The following DBH variants were observed in gnomAD, a reference collection of about 807,000 sequenced individuals.
DBH encodes dopamine beta-hydroxylase (dopamine beta-monooxygenase).
Under a neutral mutation model 64.0 loss-of-function variants are expected in DBH, and 49 were observed. That is an observed-to-expected ratio of 0.77 (90% confidence interval 0.61 to 0.97). The LOEUF (loss-of-function observed/expected upper bound fraction) is 0.97. Among genes scored for constraint, DBH ranks in the 50% least tolerant of loss-of-function variants. The pLI, the probability that DBH is intolerant of heterozygous loss-of-function variation, is 0.00. For missense variants in DBH, 828 were observed against 826.6 expected, an observed-to-expected ratio of 1.00 and a Z score of -0.02; for synonymous variants, 343 against 347.1, an observed-to-expected ratio of 0.99 and a Z score of 0.13.
Position 133,651,579 on chromosome 9 carries a change from C to CG in DBH, c.1192-52dup, listed in dbSNP as rs1162331861. ...CTCCCTACCGGGTCCTGGCCATGGA[C>CG]GGGAGGGTCCCCTCGGGGGTCAGGC... On this transcript the variant is annotated intron_variant, in intron 6 of 11. Coordinates refer to ENST00000393056, the MANE Select transcript of DBH (RefSeq NM_000787.4). 3.7e-6 allele frequency: 6 copies of CG among 1,609,102 alleles called. No individual in the cohort carries two copies. In the African/African-American group the frequency reaches 6.7e-5, roughly 18 times the overall value.
In DBH at chr9:133,643,384, C is replaced by T; in HGVS notation, c.745-29C>T. The T allele has an allele frequency of 2.5e-6, 4 of 1,613,132 alleles. No individual in the cohort carries two copies. The highest frequency in any genetic ancestry group is 3.4e-6 in the Non-Finnish European group (4 of 1,179,778). The stretch of plus-strand genomic sequence containing the variant: ...GGGAGGGGAGGGTGGGCGGCCGGTT[C>T]CCGGGCTCAGAGGGCTGCCTCCTCA... On this transcript the variant is annotated intron_variant, in intron 3 of 11. Coordinates refer to ENST00000393056, the MANE Select transcript of DBH (RefSeq NM_000787.4). This position sits in a 1 kb window ranked among gnomAD's most constrained non-coding sequence, Gnocchi z 5.3.
In DBH at chr9:133,642,335, G is replaced by C. The variant is rs538630117; in HGVS notation, c.615G>C (p.Pro205=). The C allele has an allele frequency of 6.2e-7, 1 of 1,614,158 alleles. No homozygotes were observed. The highest frequency in any genetic ancestry group is 2.2e-5 in the East Asian group (1 of 44,874). The change falls in exon 3 of 12, where the codon CCG becomes CCC. Residue 205 remains proline (P), a synonymous_variant. Coordinates refer to ENST00000393056, the MANE Select transcript of DBH (RefSeq NM_000787.4). The stretch of plus-strand genomic sequence containing the variant: ...TCCTGAAGCCCAATATCCCCGAACC[G>C]GAGTTGCCCTCAGACGCGTGCACCA... The part of the protein sequence containing the change: ...VQLLKPNIPE[P]ELPSDACTME...
chr9:133,651,263 G>A (rs981266586), intron 6 of DBH, among the ~76,000 whole-genome samples: 7 of 152,252 alleles, frequency 4.6e-5, no homozygotes, highest in East Asian at 1.9e-4. Flanking sequence ...GAGGCCACGC[G>A]CTGCTCAGCT....
At position 133,657,064 on chromosome 9, in the gene DBH, C is replaced by G. The variant is rs2073832; in HGVS notation, c.1563-6C>G. The G allele has an allele frequency of 6.2e-7, 1 of 1,613,820 alleles. No homozygotes were observed. The highest frequency in any genetic ancestry group is 8.5e-7 in the Non-Finnish European group (1 of 1,180,006). On this transcript the variant is annotated splice_polypyrimidine_tract_variant and splice_region_variant and intron_variant, in intron 10 of 11. Coordinates refer to ENST00000393056, the MANE Select transcript of DBH (RefSeq NM_000787.4). ...CCCCAGCCTGGCTGTTCCTTGTCCC[C>G]ACCAGGTTCAACAACGAGGATGTCT...
intron 2 of DBH, 123 bp downstream of exon 2, chr9:133,640,115 T>C (rs1832101345): frequency 3.7e-6 from 5 of 1,352,486 alleles, no homozygotes; most frequent in African/African-American, 1.4e-5. Flanking sequence ...TGGCCAGCTA[T>C]GACAGAGAGA....
At chr9:133,658,287 C>T (rs1239248239) in intron 11 of DBH, 29 bp from the exon 12 acceptor site, 1 of 1,613,146 alleles carries the variant, frequency 6.2e-7, no homozygotes, top group Non-Finnish European at 8.5e-7. Flanking sequence ...CCTCCAGCCT[C>T]AGTTTACCTC....
Position 133,657,223 on chromosome 9 carries a change from C to T in DBH, c.1716C>T (p.Arg572=). The T allele has an allele frequency of 1.2e-6, 2 of 1,613,938 alleles. No homozygotes were observed. The highest frequency in any genetic ancestry group is 8.5e-7 in the Non-Finnish European group (1 of 1,180,044). The part of the protein sequence containing the change: ...SMHCNKSSAV[R]FQGEWNLQPL... ...ACTGCAACAAGTCCTCAGCCGTCCGCTTCCAGGTGCGCTGCCATGGGCCCG... is the reference window on the plus strand; with the variant it reads ...ACTGCAACAAGTCCTCAGCCGTCCGTTTCCAGGTGCGCTGCCATGGGCCCG... Residue 572 remains arginine (R), a synonymous_variant, in exon 11 of 12, where the codon CGC becomes CGT. Transcript: ENST00000393056.
chr9:133,652,099 C>A (rs571017095), intron 7 of DBH, 147 bp from the exon 8 acceptor site: 1 of 859,798 alleles, frequency 1.2e-6, no homozygotes, highest in Non-Finnish European at 1.9e-6. Context: ...CCACACTTAG[C>A]GGGCTCTGGC....
intron 2 of DBH, among the ~76,000 whole-genome samples, chr9:133,641,851 C>G (rs1221115303): frequency 6.6e-6 from 1 of 152,252 alleles, no homozygotes; most frequent in Non-Finnish European, 1.5e-5. Context: ...CAATGATCCC[C>G]CACACCCAGT....
Position 133,643,680 on chromosome 9 carries a change from C to A in DBH, c.921+91C>A. ...TTCCCCAGCTTCACCGTCTCAGAGG[C>A]TTCAAGAAGGGGCTCCCAAGGGGGC... On this transcript the variant is annotated intron_variant, in intron 4 of 11. Coordinates refer to ENST00000393056, the MANE Select transcript of DBH (RefSeq NM_000787.4). This position sits in a 1 kb window ranked among gnomAD's most constrained non-coding sequence, Gnocchi z 5.3. 6.7e-7 allele frequency: 1 copy of A among 1,483,842 alleles called. No homozygotes were observed. Among genetic ancestry groups the A allele is most frequent in the African/African-American group, 1.4e-5 (1 of 71,914 alleles). The allele number at this position is 1,483,842 out of a possible 1,614,324, so 91.9% of individuals were successfully genotyped here. A position where few individuals can be genotyped will look rare whatever the true frequency, so the allele number is the denominator to read the frequency against.
chr9:133,647,112 G>A (rs1832190661), intron 5 of DBH, among the ~76,000 whole-genome samples: 2 of 152,188 alleles, frequency 1.3e-5, no homozygotes, highest in Admixed American at 6.5e-5. Context: ...GACCTGCAAC[G>A]CTGGCCCTCC....
chr9:133,658,202 A>G, intron 11 of DBH, 114 bp from the exon 12 acceptor site: 1 of 1,417,360 alleles, frequency 7.1e-7, no homozygotes, highest in South Asian at 1.2e-5. Flanking sequence ...GTTCAGTTTG[A>G]GACAAGCTGA....
rs1046101807 is a variant in DBH at position 133,639,418 on chromosome 9, G to A, written c.340-428G>A. ...CCAACTCTCCCCTTTCTGAGGCTCCGCAACTCTCCTGCCTGCATGAATGTG... is the reference window on the plus strand; with the variant it reads ...CCAACTCTCCCCTTTCTGAGGCTCCACAACTCTCCTGCCTGCATGAATGTG... On this transcript the variant is annotated intron_variant, in intron 1 of 11. Transcript: ENST00000393056. 4.6e-5 allele frequency among the ~76,000 whole-genome samples: 7 copies of A among 151,978 alleles called. No homozygotes were observed. The East Asian group carries it at 9.6e-4, about 21-fold the overall frequency.
chr9:133,653,474 G>C (rs910344209), intron 9 of DBH, among the ~76,000 whole-genome samples: 21 of 152,202 alleles, frequency 1.4e-4, no homozygotes, highest in African/African-American at 5.1e-4. Flanking sequence ...TGAGGAGGCA[G>C]AGGTGCGGGG....
At chr9:133,651,022 G>A (rs1832242259) in intron 6 of DBH, among the ~76,000 whole-genome samples, 3 of 152,196 alleles carry the variant, frequency 2.0e-5, no homozygotes, top group Admixed American at 2.0e-4. Context: ...GCACCCCATG[G>A]TCACATCCAT....
At position 133,657,099 on chromosome 9, in the gene DBH, C is replaced by G. The variant is rs772817987; in HGVS notation, c.1592C>G (p.Pro531Arg). 5.9e-5 allele frequency: 95 copies of G among 1,613,916 alleles called. No individual in the cohort carries two copies. The highest frequency in any genetic ancestry group is 1.3e-4 in the Admixed American group (8 of 60,014). ...RFNNEDVCTC[P>R]QASVSQQFTS... ...AACAACGAGGATGTCTGCACCTGCC[C>G]TCAGGCGTCCGTGTCTCAGCAGTTC... The change falls in exon 11 of 12, where the codon CCT becomes CGT. Residue 531 changes from proline (P) to arginine (R), a missense_variant. Pro to Arg is a moderately radical substitution (Grantham distance 103). Transcript: ENST00000393056.
At chr9:133,651,173 C>T (rs73662172) in intron 6 of DBH, among the ~76,000 whole-genome samples, 9,344 of 152,360 alleles carry the variant, frequency 0.061, 588 homozygotes, top group African/African-American at 0.16. Flanking sequence ...GAAGGTCCTG[C>T]TCGGCCCACC....
intron 4 of DBH, 101 bp from the exon 5 acceptor site, chr9:133,644,117 C>A: frequency 1.1e-6 from 1 of 874,290 alleles, no homozygotes; most frequent in Non-Finnish European, 2.0e-6. Context: ...CCCTCCACCA[C>A]CCCTGAGGCT....
At position 133,659,042 on chromosome 9, in the gene DBH, GACA is replaced by G. The variant is rs1055112297; in HGVS notation, c.*601_*603del. On this transcript the variant is annotated 3_prime_UTR_variant, in exon 12 of 12. Transcript: ENST00000393056. ...TTTCGCCCACCTAAAGGGAAGCCCT[GACA>G]ACAACTATCACCAAAAGACGAGGCG... The G allele has an allele frequency of 1.8e-4, 28 of 152,216 alleles. No homozygotes were observed. Among genetic ancestry groups the G allele is most frequent in the Admixed American group, 5.2e-4 (8 of 15,278 alleles). The allele number at this position is 152,216 out of a possible 1,614,324, so 9.4% of individuals were successfully genotyped here. A position where few individuals can be genotyped will look rare whatever the true frequency, so the allele number is the denominator to read the frequency against.
Sources: allele counts gnomAD v4.1 joint callset (sites outside exome capture counted in the v4.1 genomes callset), GRCh38; gene constraint gnomAD v4.1.1; non-coding constraint Gnocchi (gnomAD v3.1); transcripts MANE v1.5; gene names NCBI Gene and HGNC (gene_info 2026-07-23, HGNC 2026-07-21).